LARGE1: variants seen among roughly 807,000 people sequenced by gnomAD.
The protein encoded by LARGE1 is xylosyl- and glucuronyltransferase LARGE1.
In LARGE1, 43 loss-of-function variants were observed where a neutral mutation model predicts 87.6. The ratio of observed to expected loss-of-function variants is 0.49; its 90% confidence interval spans 0.38 to 0.63. The LOEUF (loss-of-function observed/expected upper bound fraction) is 0.63, where lower values mean the gene tolerates loss of function less well. LARGE1 is among the 30% of genes least tolerant of loss of function. The pLI is 0.00. For synonymous variants in LARGE1, 434 were observed against 394.6 expected (o/e 1.10, Z -1.18); for missense variants, 802 against 1,000.2 (o/e 0.80, Z 2.67).
At chr22:33,177,829 G>C (rs1355942458) in intron 11 of LARGE1, among the ~76,000 whole-genome samples, 1 of 152,142 alleles carries the variant, frequency 6.6e-6, no homozygotes, top group Non-Finnish European at 1.5e-5. Flanking sequence ...ATGTGTCGAG[G>C]GAGGGGCCTG....
chr22:33,080,372 G>T, the LARGE1 span, among the ~76,000 whole-genome samples: 2 of 152,312 alleles, frequency 1.3e-5, no homozygotes, highest in East Asian at 3.9e-4. Flanking sequence ...CGTGCTCTTT[G>T]TTCGTTGTAG....
At chr22:33,643,175 AC>A (rs2080498936) in intron 3 of LARGE1, among the ~76,000 whole-genome samples, 1 of 152,188 alleles carries the variant, frequency 6.6e-6, no homozygotes, top group Non-Finnish European at 1.5e-5. Context: ...AATGCAAAGA[AC>A]AGAAATCATA....
the LARGE1 span, among the ~76,000 whole-genome samples, chr22:33,098,773 G>A: frequency 3.3e-5 from 5 of 152,180 alleles, no homozygotes; most frequent in Non-Finnish European, 5.9e-5. Context: ...GAGGAATGAG[G>A]ACTGTTATAA....
chr22:33,790,471 AT>A (rs201067259), intron 1 of LARGE1, among the ~76,000 whole-genome samples: 9 of 151,612 alleles, frequency 5.9e-5, no homozygotes, highest in East Asian at 1.9e-4. Context: ...ATTTAAACCA[AT>A]TTTTTTTTCT....
Position 33,244,982 on chromosome 22 carries a change from T to C in LARGE1, c.1730+59247A>G, listed in dbSNP as rs141843286. ...AAAATTAAAAGATAAAAATAAAAAA[T>C]ATAAATTTTATTTCTCAACATAAGC... On this transcript the variant is annotated intron_variant, in intron 11 of 11. Coordinates refer to the LARGE1 transcript ENST00000608642. Among the ~76,000 whole-genome samples, 1,370 of 152,218 alleles carry C rather than the reference T, an allele frequency of 9.0e-3. 24 individuals carry two copies. The highest frequency in any genetic ancestry group is 0.031 in the African/African-American group (1,299 of 41,540).
the LARGE1 span, among the ~76,000 whole-genome samples, chr22:33,128,680 C>CAAAAAAAAAAAAAAA: frequency 1.6e-4 from 18 of 110,260 alleles, no homozygotes; most frequent in South Asian, 2.6e-4. Flanking sequence ...GTCTCAAAAA[C>CAAAAAAAAAAAAAAA]AAAAAAAAAA....
chr22:33,772,981 G>A (rs2085119802), intron 1 of LARGE1, among the ~76,000 whole-genome samples: 1 of 152,194 alleles, frequency 6.6e-6, no homozygotes, highest in Non-Finnish European at 1.5e-5. Flanking sequence ...TACAACATCT[G>A]TAACATGAGA....
chr22:33,517,762 C>T (rs1012500766), intron 6 of LARGE1, among the ~76,000 whole-genome samples: 6 of 152,172 alleles, frequency 3.9e-5, no homozygotes, highest in Non-Finnish European at 5.9e-5. Context: ...TACCCACAGA[C>T]CCGGAGTAAG....
At chr22:33,194,131 T>C (rs1923943529) in intron 11 of LARGE1, among the ~76,000 whole-genome samples, 1 of 152,008 alleles carries the variant, frequency 6.6e-6, no homozygotes, top group Non-Finnish European at 1.5e-5. Context: ...ACATAAAGAC[T>C]AAAAGAGAAT....
chr22:33,544,859 G>A (rs896479737), intron 6 of LARGE1, among the ~76,000 whole-genome samples: 5 of 152,164 alleles, frequency 3.3e-5, no homozygotes, highest in African/African-American at 4.8e-5. Flanking sequence ...CCAGGACTGA[G>A]TCATGTCCTT....
chr22:33,246,066 G>C (rs896023937), intron 11 of LARGE1, among the ~76,000 whole-genome samples: 2 of 152,166 alleles, frequency 1.3e-5, no homozygotes, highest in African/African-American at 2.4e-5. Flanking sequence ...TGCAAATACT[G>C]CTGTAGCCAT....
At chr22:33,391,632 G>C (rs1214248334) in intron 7 of LARGE1, among the ~76,000 whole-genome samples, 1 of 151,994 alleles carries the variant, frequency 6.6e-6, no homozygotes, top group African/African-American at 2.4e-5. Flanking sequence ...GACCTCAAAA[G>C]GTAATGACCC....
chr22:33,585,335 A>T (rs2078641058), intron 5 of LARGE1, among the ~76,000 whole-genome samples: 1 of 152,086 alleles, frequency 6.6e-6, no homozygotes, highest in East Asian at 1.9e-4. Context: ...ACACAGACAC[A>T]CACACTGAGA....
At chr22:33,163,612 C>T (rs1377761462) in exon 12 of LARGE1, 1 of 152,196 alleles carries the variant, frequency 6.6e-6, no homozygotes, top group African/African-American at 2.4e-5. Flanking sequence ...TGCCCCTTTA[C>T]AGGGAAGGGC....
At chr22:33,659,813 G>C (rs375910699) in intron 2 of LARGE1, among the ~76,000 whole-genome samples, 1 of 151,058 alleles carries the variant, frequency 6.6e-6, no homozygotes, top group African/African-American at 2.4e-5. Flanking sequence ...ACAGTGCCAG[G>C]GAAAGAGGCC....
chr22:33,576,684 T>C (rs986093732), intron 5 of LARGE1, among the ~76,000 whole-genome samples: 2 of 152,126 alleles, frequency 1.3e-5, no homozygotes, highest in African/African-American at 4.8e-5. Context: ...CTGTGGAGGA[T>C]TGGTTCCAGC....
At chr22:33,585,720 T>C (rs2078652372) in intron 5 of LARGE1, among the ~76,000 whole-genome samples, 1 of 152,188 alleles carries the variant, frequency 6.6e-6, no homozygotes, top group East Asian at 1.9e-4. Context: ...ACTCAGGTTA[T>C]ATATTAGATC....
chr22:33,217,733 A>T (rs533945114), intron 11 of LARGE1, among the ~76,000 whole-genome samples: 2 of 152,160 alleles, frequency 1.3e-5, no homozygotes, highest in African/African-American at 4.8e-5. Flanking sequence ...TTCCTTAAAT[A>T]ATTTACTGTA....
chr22:33,348,656 C>G (rs140411885), intron 9 of LARGE1, among the ~76,000 whole-genome samples: 2 of 151,714 alleles, frequency 1.3e-5, no homozygotes, highest in Middle Eastern at 3.5e-3. Flanking sequence ...AGGGAGCCAT[C>G]GTCCAATCCA....
Sources: allele counts gnomAD v4.1 joint callset (sites outside exome capture counted in the v4.1 genomes callset), GRCh38; gene constraint gnomAD v4.1.1; transcripts MANE v1.5; gene names NCBI Gene and HGNC (gene_info 2026-07-23, HGNC 2026-07-21).